The following ESYT2 variants were observed in gnomAD, a reference collection of about 807,000 sequenced individuals.
ESYT2 encodes the protein extended synaptotagmin-2.
ESYT2 carries 54 observed loss-of-function variants against 107.2 expected under a neutral mutation model. The observed-to-expected ratio is 0.50, with a 90% confidence interval of 0.40 to 0.63. The LOEUF is 0.63. Among genes scored for constraint, ESYT2 ranks in the 30% least tolerant of loss-of-function variants. The pLI is 0.00. For synonymous variants in ESYT2, 491 were observed against 434.1 expected (o/e 1.13, Z -1.63); for missense variants, 1,020 against 1,094.5 (o/e 0.93, Z 0.96).
rs12113346 is a variant in ESYT2 at position 158,776,583 on chromosome 7, G to A, written c.748-3187C>T. On this transcript the variant is annotated intron_variant, in intron 6 of 22. Transcript: ENST00000275418. The stretch of plus-strand genomic sequence containing the variant: ...CACCTCTGTCAGTCTTCATAGAAGT[G>A]AAGATAGTTAGGACTTTGCTGTGGA... Among the ~76,000 whole-genome samples the A allele has an allele frequency of 4.9e-3, 744 of 152,316 alleles. 12 individuals are homozygous for A. The highest frequency in any genetic ancestry group is 0.016 in the African/African-American group (673 of 41,576).
At chr7:158,763,971 C>T (rs984294557) in intron 9 of ESYT2, among the ~76,000 whole-genome samples, 5 of 152,062 alleles carry the variant, frequency 3.3e-5, no homozygotes, top group Admixed American at 2.6e-4. Context: ...ATAAACCGTA[C>T]GACTGTTCTG....
chr7:158,776,576 T>C (rs190965619), intron 6 of ESYT2, among the ~76,000 whole-genome samples: 6 of 152,336 alleles, frequency 3.9e-5, no homozygotes, highest in Non-Finnish European at 5.9e-5. Flanking sequence ...TCAGTCTTCA[T>C]AGAAGTGAAG....
At chr7:158,769,013 C>T (rs1050037448) in intron 7 of ESYT2, among the ~76,000 whole-genome samples, 12 of 152,106 alleles carry the variant, frequency 7.9e-5, no homozygotes, top group African/African-American at 2.9e-4. Flanking sequence ...TGTGAAGTTG[C>T]GAAAGTACTT....
chr7:158,788,503 TA>T (rs1391799193), intron 4 of ESYT2, 86 bp from the exon 5 acceptor site: 1 of 1,171,782 alleles, frequency 8.5e-7, no homozygotes, highest in African/African-American at 1.6e-5. Context: ...ATAATCTGAA[TA>T]AAATGATAGT....
At chr7:158,818,147 AAAGG>A (rs1840197150) in intron 1 of ESYT2, among the ~76,000 whole-genome samples, 2 of 152,240 alleles carry the variant, frequency 1.3e-5, no homozygotes, top group South Asian at 2.1e-4. Flanking sequence ...CTTATTCACA[AAAGG>A]AAGTTAATGA....
intron 15 of ESYT2, among the ~76,000 whole-genome samples, chr7:158,748,780 C>T (rs909355479): frequency 3.3e-5 from 5 of 150,204 alleles, no homozygotes; most frequent in African/African-American, 9.8e-5. Flanking sequence ...AGTGCAGTGG[C>T]GCAATCTCAG....
rs373873219 is a variant in ESYT2 at position 158,737,662 on chromosome 7, C to T, written c.2268-483G>A. Among the ~76,000 whole-genome samples the T allele has an allele frequency of 7.4e-4, 113 of 152,284 alleles. 1 individual carries two copies. The highest frequency in any genetic ancestry group is 2.5e-3 in the South Asian group (12 of 4,828). ...GTCTAGGAGGGATTGTTTTGCTAGA[C>T]TCCTCTACAACAGTATCCCCCACGA... On this transcript the variant is annotated intron_variant, in intron 19 of 22. Transcript: ENST00000275418.
intron 1 of ESYT2, among the ~76,000 whole-genome samples, chr7:158,815,789 C>T (rs1840133491): frequency 1.3e-5 from 2 of 152,294 alleles, no homozygotes; most frequent in Middle Eastern, 3.4e-3. Flanking sequence ...GTATTGAATC[C>T]AAGATGTGAT....
chr7:158,764,667 G>A lies in ESYT2; in HGVS notation c.1101+10C>T, dbSNP rs1276942235. ...ACCACCCCAGCAACACAGCAGACAC[G>A]ACACCCCACCTCATAGACTTCATTC... On this transcript the variant is annotated intron_variant, in intron 9 of 22. Coordinates refer to ENST00000275418, the MANE Select transcript of ESYT2 (RefSeq NM_001367773.1). 2 of 1,612,942 alleles carry A rather than the reference G, an allele frequency of 1.2e-6. No homozygotes were observed. The highest frequency in any genetic ancestry group is 1.7e-6 in the Non-Finnish European group (2 of 1,179,362).
chr7:158,748,695 ATTTC>A (rs967890882), intron 15 of ESYT2, among the ~76,000 whole-genome samples: 3 of 151,638 alleles, frequency 2.0e-5, no homozygotes, highest in African/African-American at 4.9e-5. Context: ...ACTTCGGGCA[ATTTC>A]TTTCTTTTTT....
intron 6 of ESYT2, among the ~76,000 whole-genome samples, chr7:158,781,430 A>T (rs1563648701): frequency 3.7e-5 from 2 of 54,528 alleles, no homozygotes; most frequent in African/African-American, 8.1e-5. Flanking sequence ...AACGAGTGAG[A>T]AGTGTGAGTG....
chr7:158,790,760 T>G (rs1839262270), intron 4 of ESYT2, among the ~76,000 whole-genome samples: 1 of 152,060 alleles, frequency 6.6e-6, no homozygotes. Context: ...AAACCTTGTC[T>G]CTACTAAAAG....
chr7:158,743,402 C>T, intron 17 of ESYT2, 127 bp downstream of exon 17: 1 of 1,252,096 alleles, frequency 8.0e-7, no homozygotes, highest in Non-Finnish European at 1.1e-6. Flanking sequence ...CCGGCGCCCT[C>T]CTGCGGCCCA....
At chr7:158,777,333 A>T (rs921023943) in intron 6 of ESYT2, among the ~76,000 whole-genome samples, 18 of 152,164 alleles carry the variant, frequency 1.2e-4, no homozygotes, top group African/African-American at 4.3e-4. Flanking sequence ...AAGATACGAC[A>T]TTTACCAATT....
At chr7:158,794,631 C>T (rs1412722617) in intron 3 of ESYT2, among the ~76,000 whole-genome samples, 3 of 152,086 alleles carry the variant, frequency 2.0e-5, no homozygotes, top group Non-Finnish European at 4.4e-5. Context: ...CAAAAACTCC[C>T]CAGGCGTGGT....
chr7:158,778,077 T>C (rs1042515400), intron 6 of ESYT2, among the ~76,000 whole-genome samples: 5 of 152,236 alleles, frequency 3.3e-5, no homozygotes, highest in Admixed American at 3.3e-4. Context: ...CGCATTCATA[T>C]TTTATACGTC....
At chr7:158,792,764 GTTTT>G (rs35348712) in intron 4 of ESYT2, among the ~76,000 whole-genome samples, 4 of 117,782 alleles carry the variant, frequency 3.4e-5, no homozygotes, top group Admixed American at 9.2e-5. Context: ...ATAACGTGGG[GTTTT>G]TTTTTTTTTT....
chr7:158,798,892 T>A (rs1315910182), intron 2 of ESYT2, 139 bp downstream of exon 2: 1 of 701,168 alleles, frequency 1.4e-6, no homozygotes, highest in Non-Finnish European at 2.5e-6. Context: ...GTGACTGAGG[T>A]CTTTGGGGAC....
chr7:158,803,181 A>T (rs1839696840), intron 1 of ESYT2, among the ~76,000 whole-genome samples: 1 of 152,262 alleles, frequency 6.6e-6, no homozygotes, highest in Admixed American at 6.5e-5. Flanking sequence ...GAGCACACCT[A>T]AGTGAGAGGG....
Sources: allele counts gnomAD v4.1 joint callset (sites outside exome capture counted in the v4.1 genomes callset), GRCh38; gene constraint gnomAD v4.1.1; transcripts MANE v1.5; gene names NCBI Gene and HGNC (gene_info 2026-07-23, HGNC 2026-07-21).